The following ITGA8 variants were observed in gnomAD, a reference collection of about 807,000 sequenced individuals.
ITGA8 encodes integrin subunit alpha 8, also known as integrin alpha-8.
ITGA8 carries 91 observed loss-of-function variants against 142.3 expected under a neutral mutation model. The ratio of observed to expected loss-of-function variants is 0.64; its 90% CI spans 0.54 to 0.76. The LOEUF (loss-of-function observed/expected upper bound fraction) is 0.76. Among genes scored for constraint, ITGA8 ranks in the 30% least tolerant of loss-of-function variants. The pLI is 0.00. For synonymous variants in ITGA8, 505 were observed against 485.2 expected (o/e 1.04, Z -0.54); for missense variants, 1,406 against 1,327.7 (o/e 1.06, Z -0.92).
At chr10:15,707,068 T>C (rs966298534) in intron 2 of ITGA8, among the ~76,000 whole-genome samples, 5 of 152,202 alleles carry the variant, frequency 3.3e-5, no homozygotes, top group Admixed American at 2.0e-4. Flanking sequence ...CTTGCTCAGA[T>C]ATCACCTCCT....
At chr10:15,599,767 A>T (rs2131603518) in intron 20 of ITGA8, among the ~76,000 whole-genome samples, 1 of 152,306 alleles carries the variant, frequency 6.6e-6, no homozygotes, top group African/African-American at 2.4e-5. Flanking sequence ...CTGAAAATAC[A>T]AAAATTAGCT....
chr10:15,710,916 G>A (rs1029318932), intron 2 of ITGA8, among the ~76,000 whole-genome samples: 2 of 152,144 alleles, frequency 1.3e-5, no homozygotes, highest in African/African-American at 4.8e-5. Context: ...TGGAAGTCAG[G>A]GCAGACTGAT....
chr10:15,598,709 C>T (rs1833049363), intron 20 of ITGA8, among the ~76,000 whole-genome samples: 1 of 152,108 alleles, frequency 6.6e-6, no homozygotes, highest in Non-Finnish European at 1.5e-5. Context: ...AGTATAAAAC[C>T]CTGCCCCCAG....
At chr10:15,642,782 A>T (rs1833894390) in intron 13 of ITGA8, among the ~76,000 whole-genome samples, 1 of 152,220 alleles carries the variant, frequency 6.6e-6, no homozygotes, top group African/African-American at 2.4e-5. Context: ...ATGTTGCGGT[A>T]TCCTTTTTGT....
intron 13 of ITGA8, among the ~76,000 whole-genome samples, chr10:15,618,300 A>G (rs1833430737): frequency 6.6e-6 from 1 of 152,248 alleles, no homozygotes; most frequent in Non-Finnish European, 1.5e-5. Flanking sequence ...CAACAGTTGA[A>G]ACTATAATTG....
intron 27 of ITGA8, among the ~76,000 whole-genome samples, chr10:15,546,330 C>A (rs1425877595): frequency 6.6e-6 from 1 of 152,208 alleles, no homozygotes; most frequent in East Asian, 1.9e-4. Context: ...TCTCCTATAA[C>A]TAGACCCTGA....
At chr10:15,668,219 T>A (rs1448408795) in intron 8 of ITGA8, among the ~76,000 whole-genome samples, 1 of 152,212 alleles carries the variant, frequency 6.6e-6, no homozygotes, top group Non-Finnish European at 1.5e-5. Flanking sequence ...TGGGTGCATA[T>A]ATATTTAGGA....
rs745509900 is a variant in ITGA8 at position 15,606,400 on chromosome 10, T to C, written c.1787A>G (p.Lys596Arg). 6.9e-6 allele frequency: 11 copies of C among 1,598,192 alleles called. No homozygotes were observed. Among genetic ancestry groups the C allele is most frequent in the African/African-American group, 2.7e-5 (2 of 74,704 alleles). ...CAAACTAATGTTGATTGGAGATAATTTATCTCGGAATTCAGTTTCATCCTA... is the reference window on the plus strand; with the variant it reads ...CAAACTAATGTTGATTGGAGATAATCTATCTCGGAATTCAGTTTCATCCTA... ...YLRDETEFRDKLSPINISLNY... is the reference protein window; with the variant it reads ...YLRDETEFRDRLSPINISLNY... The change falls in exon 18 of 30, where the codon AAA becomes AGA. Residue 596 changes from lysine (K) to arginine (R), a missense_variant. Lys to Arg is a conservative substitution (Grantham distance 26). Transcript: ENST00000378076.
intron 8 of ITGA8, among the ~76,000 whole-genome samples, chr10:15,671,079 A>G (rs1834506446): frequency 6.6e-6 from 1 of 152,214 alleles, no homozygotes; most frequent in Non-Finnish European, 1.5e-5. Flanking sequence ...CATGTCCATC[A>G]GCCCTGGTAG....
At chr10:15,545,067 C>G (rs1588635382) in intron 27 of ITGA8, among the ~76,000 whole-genome samples, 1 of 152,304 alleles carries the variant, frequency 6.6e-6, no homozygotes, top group Admixed American at 6.5e-5. Flanking sequence ...AGCCAGATTC[C>G]TGACTCAGAG....
intron 23 of ITGA8, among the ~76,000 whole-genome samples, chr10:15,585,413 T>C (rs1832811100): frequency 6.6e-6 from 1 of 152,184 alleles, no homozygotes; most frequent in Non-Finnish European, 1.5e-5. Context: ...TGTTAGACAT[T>C]GCTATTATTC....
chr10:15,603,248 A>G (rs1833134553), intron 20 of ITGA8, among the ~76,000 whole-genome samples: 1 of 152,238 alleles, frequency 6.6e-6, no homozygotes, highest in Admixed American at 6.5e-5. Flanking sequence ...TACCAACATC[A>G]CAACAACAGT....
At chr10:15,630,092 G>C (rs1833658472) in intron 13 of ITGA8, among the ~76,000 whole-genome samples, 1 of 152,044 alleles carries the variant, frequency 6.6e-6, no homozygotes, top group African/African-American at 2.4e-5. Flanking sequence ...TAGGGTCAAG[G>C]GTTAAACGCT....
chr10:15,709,826 T>TA (rs1835331270), intron 2 of ITGA8, among the ~76,000 whole-genome samples: 1 of 152,212 alleles, frequency 6.6e-6, no homozygotes. Flanking sequence ...AGGTGAGACT[T>TA]ACACTGTATC....
intron 13 of ITGA8, among the ~76,000 whole-genome samples, chr10:15,619,561 G>T (rs1011902830): frequency 6.6e-6 from 1 of 152,182 alleles, no homozygotes; most frequent in Non-Finnish European, 1.5e-5. Flanking sequence ...TTTTGTAAGG[G>T]TTTAAATCTC....
At chr10:15,594,710 A>G (rs200823507) in intron 21 of ITGA8, among the ~76,000 whole-genome samples, 2 of 152,122 alleles carry the variant, frequency 1.3e-5, no homozygotes, top group East Asian at 3.9e-4. Flanking sequence ...TGAACCTGGG[A>G]GGTGGAGGTT....
intron 13 of ITGA8, among the ~76,000 whole-genome samples, chr10:15,629,917 G>C (rs1588685668): frequency 6.6e-6 from 1 of 152,124 alleles, no homozygotes; most frequent in East Asian, 1.9e-4. Flanking sequence ...GACAGAGCAA[G>C]ACTTAAACAA....
At chr10:15,525,168 C>CTGG (rs1257233997) in intron 28 of ITGA8, among the ~76,000 whole-genome samples, 1 of 152,018 alleles carries the variant, frequency 6.6e-6, no homozygotes, top group Non-Finnish European at 1.5e-5. Context: ...ACCACCATGC[C>CTGG]TGGTGGTTTG....
At chr10:15,564,385 G>A (rs1002106049) in intron 25 of ITGA8, among the ~76,000 whole-genome samples, 5 of 152,234 alleles carry the variant, frequency 3.3e-5, no homozygotes, top group Admixed American at 1.3e-4. Context: ...TCCACTGAGG[G>A]TGGAGGACGC....
Sources: allele counts gnomAD v4.1 joint callset (sites outside exome capture counted in the v4.1 genomes callset), GRCh38; gene constraint gnomAD v4.1.1; transcripts MANE v1.5; gene names NCBI Gene and HGNC (gene_info 2026-07-23, HGNC 2026-07-21).